The following ZFP1 variants were observed in gnomAD, a reference collection of about 807,000 sequenced individuals.
ZFP1 encodes zinc finger protein 1 homolog.
ZFP1 carries 32 observed loss-of-function variants against 38.5 expected under a neutral mutation model. That is an observed-to-expected ratio of 0.83 (90% confidence interval 0.63 to 1.12). ZFP1 has a LOEUF of 1.12. Among genes scored for constraint, ZFP1 ranks in the 50% most tolerant of loss-of-function variants. The pLI, the probability that ZFP1 is intolerant of heterozygous loss-of-function variation, is 0.00. For synonymous variants in ZFP1, 245 were observed against 168.8 expected, an observed-to-expected ratio of 1.45 and a Z score of -3.50; for missense variants, 616 against 480.8, an observed-to-expected ratio of 1.28 and a Z score of -2.63.
chr16:75,148,672 C>T (rs2037006699), intron 1 of ZFP1, 29 bp downstream of exon 1: 1 of 152,272 alleles, frequency 6.6e-6, no homozygotes, highest in Non-Finnish European at 1.5e-5. Context: ...GGTAGCTCCG[C>T]GCGGCCTGGG....
Position 75,166,781 on chromosome 16 carries a change from A to T in ZFP1, c.27A>T (p.Ser9=). 3 of 1,614,196 alleles carry T rather than the reference A, an allele frequency of 1.9e-6. No homozygotes were observed. In the South Asian group the frequency reaches 3.3e-5, roughly 18 times the overall value. The change falls in exon 3 of 4, where the codon TCA becomes TCT. Residue 9 remains serine, a synonymous_variant. Transcript: ENST00000570010. MNKSQGSV[S]FTDVTVDFTQ... is the part of the protein sequence containing the mutation. ...ATATGCCATTTCAGGGATCAGTTTC[A>T]TTCACGGATGTGACTGTGGACTTTA...
At chr16:75,133,519 G>A in the ZFP1 span, among the ~76,000 whole-genome samples, 1 of 152,092 alleles carries the variant, frequency 6.6e-6, no homozygotes, top group Non-Finnish European at 1.5e-5. Flanking sequence ...GAGAACCTGT[G>A]TTTTCTGTTC....
the ZFP1 span, among the ~76,000 whole-genome samples, chr16:75,123,120 A>G: frequency 1.3e-5 from 2 of 151,982 alleles, no homozygotes; most frequent in Non-Finnish European, 2.9e-5. Context: ...TGGGGAGGAC[A>G]AGGCGAGTGG....
Position 75,170,464 on chromosome 16 carries a change from A to C in ZFP1, c.*130A>C. 1 of 1,308,094 alleles carries C rather than the reference A, an allele frequency of 7.6e-7. No individual in the cohort carries two copies. The highest frequency in any genetic ancestry group is 1.0e-6 in the Non-Finnish European group (1 of 999,860). 81.0% of individuals were successfully genotyped at this position (1,308,094 alleles called of 1,614,324 possible). A position where few individuals can be genotyped will look rare whatever the true frequency, so the allele number is the denominator to read the frequency against. On this transcript the variant is annotated 3_prime_UTR_variant, in exon 4 of 4. Coordinates refer to ENST00000570010, the MANE Select transcript of ZFP1 (RefSeq NM_153688.4). ...CAATCTCTCAACTCAAAAATGTATT[A>C]AAAATAGGATCCCATGAGAACATTA...
intron 1 of ZFP1, chr16:75,149,100 G>T (rs2037046372): frequency 6.6e-6 from 1 of 152,116 alleles, no homozygotes; most frequent in African/African-American, 2.4e-5. Flanking sequence ...GGTGGTGAAG[G>T]AGAACCGTGA....
the ZFP1 span, among the ~76,000 whole-genome samples, chr16:75,130,610 T>C: frequency 6.6e-6 from 1 of 152,158 alleles, no homozygotes; most frequent in Non-Finnish European, 1.5e-5. Flanking sequence ...GGTTTTTGTA[T>C]CTATTGGGAA....
the ZFP1 span, among the ~76,000 whole-genome samples, chr16:75,143,024 T>C: frequency 6.6e-6 from 1 of 151,984 alleles, no homozygotes; most frequent in African/African-American, 2.4e-5. Flanking sequence ...ATTTTACATT[T>C]AGAGATTCAT....
At chr16:75,150,883 G>T (rs1327484196) in intron 1 of ZFP1, among the ~76,000 whole-genome samples, 1 of 152,124 alleles carries the variant, frequency 6.6e-6, no homozygotes, top group Non-Finnish European at 1.5e-5. Flanking sequence ...GGAGTGCAGT[G>T]GTTCAGTCAC....
the ZFP1 span, among the ~76,000 whole-genome samples, chr16:75,128,283 T>C: frequency 1.3e-5 from 2 of 152,216 alleles, no homozygotes; most frequent in Non-Finnish European, 1.5e-5. Context: ...TATTTGATGG[T>C]ACAAATTCAT....
chr16:75,123,455 G>GTGTATGTATATATATA, the ZFP1 span, among the ~76,000 whole-genome samples: 1 of 87,292 alleles, frequency 1.1e-5, no homozygotes, highest in East Asian at 3.3e-4. Context: ...GTGTGTATAT[G>GTGTATGTATATATATA]TATATATATA....
intron 3 of ZFP1, among the ~76,000 whole-genome samples, chr16:75,167,234 A>G (rs1395109861): frequency 6.6e-6 from 1 of 152,252 alleles, no homozygotes; most frequent in Non-Finnish European, 1.5e-5. Context: ...AGCAGAAGCC[A>G]GTGGAATTAG....
chr16:75,129,470 A>G, the ZFP1 span, among the ~76,000 whole-genome samples: 1 of 152,214 alleles, frequency 6.6e-6, no homozygotes, highest in Non-Finnish European at 1.5e-5. Flanking sequence ...CCTGCCTCCC[A>G]TTCTATTCAA....
chr16:75,159,803 C>G (rs886605447), intron 2 of ZFP1, among the ~76,000 whole-genome samples: 7 of 152,108 alleles, frequency 4.6e-5, no homozygotes, highest in Non-Finnish European at 1.0e-4. Flanking sequence ...TTTTGTCTGC[C>G]AGATAGCTAA....
chr16:75,126,063 A>AG, the ZFP1 span: 1 of 152,028 alleles, frequency 6.6e-6, no homozygotes, highest in Non-Finnish European at 1.5e-5. Flanking sequence ...AAAAAAAAAA[A>AG]AAAAGAATGA....
At chr16:75,154,763 G>A (rs1234062959) in intron 2 of ZFP1, among the ~76,000 whole-genome samples, 1 of 151,832 alleles carries the variant, frequency 6.6e-6, no homozygotes, top group African/African-American at 2.4e-5. Flanking sequence ...TGTTGTCAGT[G>A]TTCTGGATTT....
chr16:75,138,055 T>TTTTTTTTTTAAGG, the ZFP1 span, among the ~76,000 whole-genome samples: 1 of 65,810 alleles, frequency 1.5e-5, no homozygotes, highest in African/African-American at 4.8e-5. Flanking sequence ...TTTTTTTTTT[T>TTTTTTTTTTAAGG]GAGACGGAGT....
At chr16:75,159,709 G>T (rs1384438636) in intron 2 of ZFP1, among the ~76,000 whole-genome samples, 1 of 152,002 alleles carries the variant, frequency 6.6e-6, no homozygotes, top group Non-Finnish European at 1.5e-5. Flanking sequence ...CCTGGCCCTG[G>T]TTTTGCTTTT....
chr16:75,167,574 G>A (rs1157821153), intron 3 of ZFP1, among the ~76,000 whole-genome samples: 1 of 152,082 alleles, frequency 6.6e-6, no homozygotes, highest in African/African-American at 2.4e-5. Context: ...GTGCTGTGAT[G>A]AACCTATGAG....
chr16:75,134,522 C>T, the ZFP1 span, among the ~76,000 whole-genome samples: 30 of 151,618 alleles, frequency 2.0e-4, no homozygotes, highest in Non-Finnish European at 3.5e-4. Flanking sequence ...TTTGGGAGGC[C>T]GAGGCGGGTG....
Sources: allele counts gnomAD v4.1 joint callset (sites outside exome capture counted in the v4.1 genomes callset), GRCh38; gene constraint gnomAD v4.1.1; transcripts MANE v1.5; gene names NCBI Gene and HGNC (gene_info 2026-07-23, HGNC 2026-07-21).